Variants in ATRX observed in about 807,000 individuals in gnomAD.
ATRX encodes the protein chromatin remodeler ATRX.
A neutral mutation model predicts 172.6 loss-of-function variants in ATRX; 12 were observed. That is an observed-to-expected ratio of 0.07 (90% CI 0.04 to 0.11). The LOEUF is 0.11. ATRX is among the 10% of genes least tolerant of loss of function. ATRX has a pLI of 1.00. For synonymous variants in ATRX, 674 were observed against 594.7 expected (o/e 1.13, Z -1.94); for missense variants, 1,368 against 1,767.4 (o/e 0.77, Z 4.05).
At chrX:77,740,601 G>C (rs1557181586) in intron 1 of ATRX, among the ~76,000 whole-genome samples, 2 of 110,174 alleles carry the variant, frequency 1.8e-5, no homozygotes, top group African/African-American at 6.6e-5. Flanking sequence ...GAGGGCAAGG[G>C]CTAAGAAACA....
chrX:77,719,324 A>G (rs1347961648), intron 1 of ATRX, among the ~76,000 whole-genome samples: 1 of 111,785 alleles, frequency 8.9e-6, no homozygotes, highest in Non-Finnish European at 1.9e-5. Context: ...ATATATACCA[A>G]TGGCCAATAA....
chrX:77,526,125 T>G (rs2063372857), intron 30 of ATRX, among the ~76,000 whole-genome samples: 1 of 111,618 alleles, frequency 9.0e-6, no homozygotes, highest in Non-Finnish European at 1.9e-5. Context: ...AAGGACTACC[T>G]GGGACTGGAA....
At chrX:77,734,139 G>A (rs782471889) in intron 1 of ATRX, among the ~76,000 whole-genome samples, 61 of 108,710 alleles carry the variant, frequency 5.6e-4, no homozygotes, top group African/African-American at 1.9e-3. Context: ...CCTGGGAGGC[G>A]GAGGTTGCAG....
At position 77,654,159 on chromosome X, in the gene ATRX, T is replaced by G. The variant is rs933050775; in HGVS notation, c.4256A>C (p.Tyr1419Ser). 2 of 1,209,293 alleles carry G rather than the reference T, an allele frequency of 1.7e-6. No individual in the cohort carries two copies. The highest frequency in any genetic ancestry group is 2.2e-6 in the Non-Finnish European group (2 of 894,549). Residue 1419 changes from tyrosine (Y) to serine (S), a missense_variant, in exon 14 of 35, where the codon TAT becomes TCT. Physicochemically the swap from Tyr to Ser is moderately radical, Grantham distance 144. Transcript: ENST00000373344. ...ACGTCGCCTTTTCTTTTTCTGTTTATAGCTCCGCTGATTTTCTTCCAACTC... is the reference window on the plus strand; with the variant it reads ...ACGTCGCCTTTTCTTTTTCTGTTTAGAGCTCCGCTGATTTTCTTCCAACTC... ...KAELEENQRS[Y>S]KQKKKRRRIK...
At chrX:77,672,328 A>G (rs1211999486) in intron 10 of ATRX, among the ~76,000 whole-genome samples, 2 of 111,335 alleles carry the variant, frequency 1.8e-5, no homozygotes, top group Non-Finnish European at 3.8e-5. Flanking sequence ...TTTAAAATGA[A>G]AGCAAAGTGA....
intron 1 of ATRX, among the ~76,000 whole-genome samples, chrX:77,780,815 C>T (rs782181108): frequency 1.2e-4 from 13 of 109,949 alleles, no homozygotes; most frequent in African/African-American, 4.3e-4. Context: ...TGATGACACA[C>T]CTGTGGTCCC....
chrX:77,639,545 A>G (rs1293520761), intron 15 of ATRX, among the ~76,000 whole-genome samples: 1 of 111,918 alleles, frequency 8.9e-6, no homozygotes, highest in Non-Finnish European at 1.9e-5. Flanking sequence ...CGTGAGACAA[A>G]TAAGTTTGTC....
intron 2 of ATRX, among the ~76,000 whole-genome samples, chrX:77,706,576 A>G (rs2072834805): frequency 9.0e-6 from 1 of 111,151 alleles, no homozygotes; most frequent in South Asian, 3.8e-4. Context: ...CAGATAAATA[A>G]AAGTTCATCA....
At chrX:77,691,479 G>T (rs1321875559) in intron 6 of ATRX, among the ~76,000 whole-genome samples, 2 of 111,552 alleles carry the variant, frequency 1.8e-5, no homozygotes, top group Non-Finnish European at 3.8e-5. Context: ...AAATTATTGT[G>T]TCATGTAAAA....
intron 22 of ATRX, among the ~76,000 whole-genome samples, chrX:77,606,757 C>A (rs1450170858): frequency 0.013 from 886 of 66,227 alleles, no homozygotes; most frequent in South Asian, 0.015. Flanking sequence ...CTCATCTCTA[C>A]AAAAAAAAAA....
chrX:77,612,040 A>T (rs1184044342), intron 22 of ATRX, among the ~76,000 whole-genome samples: 2 of 111,807 alleles, frequency 1.8e-5, no homozygotes, highest in East Asian at 2.8e-4. Context: ...TATTTCCACC[A>T]CTTAGAGAAA....
intron 2 of ATRX, among the ~76,000 whole-genome samples, chrX:77,707,871 C>G (rs1333333996): frequency 8.9e-6 from 1 of 112,241 alleles, no homozygotes; most frequent in Non-Finnish European, 1.9e-5. Context: ...ACTAAAATCA[C>G]AATGAGATAC....
chrX:77,591,231 C>T (rs1461110586), intron 26 of ATRX, among the ~76,000 whole-genome samples: 1 of 111,769 alleles, frequency 8.9e-6, no homozygotes, highest in East Asian at 2.8e-4. Flanking sequence ...CACCAATTTG[C>T]AGGGGCTCTG....
At chrX:77,611,855 T>C (rs2067171747) in intron 22 of ATRX, among the ~76,000 whole-genome samples, 2 of 111,676 alleles carry the variant, frequency 1.8e-5, no homozygotes, top group African/African-American at 6.5e-5. Context: ...AATGTATACA[T>C]GTATCAAAAT....
chrX:77,765,877 G>A (rs1393421624), intron 1 of ATRX, among the ~76,000 whole-genome samples: 1 of 108,099 alleles, frequency 9.3e-6, no homozygotes, highest in African/African-American at 3.4e-5. Context: ...CTTGAGATTA[G>A]GGAGTGGTGA....
chrX:77,509,471 C>T, intron 34 of ATRX, among the ~76,000 whole-genome samples: 1 of 112,017 alleles, frequency 8.9e-6, no homozygotes, highest in East Asian at 2.8e-4. Flanking sequence ...AACCAAAAAT[C>T]AGGTGAGCAA....
At chrX:77,782,186 C>A (rs2076592355) in intron 1 of ATRX, among the ~76,000 whole-genome samples, 1 of 111,941 alleles carries the variant, frequency 8.9e-6, no homozygotes, top group Non-Finnish European at 1.9e-5. Context: ...CCTCCAAGGG[C>A]CTGGTTTCAT....
At chrX:77,611,967 A>G (rs1430869187) in intron 22 of ATRX, among the ~76,000 whole-genome samples, 4 of 112,172 alleles carry the variant, frequency 3.6e-5, no homozygotes, top group African/African-American at 6.5e-5. Context: ...ACATATATGT[A>G]TATTTCTTGG....
At position 77,772,452 on chromosome X, in the gene ATRX, C is replaced by T. The variant is rs5912419; in HGVS notation, c.20+13530G>A. Among the ~76,000 whole-genome samples, 347 of 100,097 alleles carry T rather than the reference C, an allele frequency of 3.5e-3. 3 individuals carry two copies. Among genetic ancestry groups the T allele is most frequent in the Non-Finnish European group, 5.5e-3 (272 of 49,746 alleles). The allele number at this position is 100,097 out of a possible 115,157, so 86.9% of individuals were successfully genotyped here. On this transcript the variant is annotated intron_variant, in intron 1 of 34. Transcript: ENST00000373344. ...TTTGAGACCAGCCTGGGAAACATAG[C>T]GAGATCCCTTCTCTCAAAAAAAAAA...
Sources: allele counts gnomAD v4.1 joint callset (sites outside exome capture counted in the v4.1 genomes callset), GRCh38; gene constraint gnomAD v4.1.1; transcripts MANE v1.5; gene names NCBI Gene and HGNC (gene_info 2026-07-23, HGNC 2026-07-21).